The following SPIRE2 variants were observed in gnomAD, a reference collection of about 807,000 sequenced individuals.
SPIRE2 encodes spire type actin nucleation factor 2, also known as protein spire homolog 2.
Under a neutral mutation model 80.7 loss-of-function variants are expected in SPIRE2, and 76 were observed. The observed-to-expected ratio is 0.94, with a 90% CI of 0.78 to 1.14. The LOEUF (loss-of-function observed/expected upper bound fraction) is 1.14, where lower values mean the gene tolerates loss of function less well. Among genes scored for constraint, SPIRE2 ranks in the 50% most tolerant of loss-of-function variants. The pLI, the probability that SPIRE2 is intolerant of heterozygous loss-of-function variation, is 0.00. For missense variants in SPIRE2, 1,196 were observed against 1,015.3 expected (o/e 1.18, Z -2.42); for synonymous variants, 535 against 432.6 (o/e 1.24, Z -2.94).
In SPIRE2 at chr16:89,831,145, G is replaced by A. The variant is rs2041376910; in HGVS notation, c.244+2351G>A. On this transcript the variant is annotated intron_variant, in intron 1 of 14. Coordinates refer to ENST00000378247, the MANE Select transcript of SPIRE2 (RefSeq NM_032451.2). Reference sequence around the variant, plus strand: ...AGGATGGTCTCGATCTCCTGACCTCGTGATCTGCCCACCTCGGCCTTCCAA... The same window carrying A: ...AGGATGGTCTCGATCTCCTGACCTCATGATCTGCCCACCTCGGCCTTCCAA... Among the ~76,000 whole-genome samples the A allele has an allele frequency of 7.3e-5, 11 of 150,416 alleles. No homozygotes were observed. The South Asian group carries it at 1.9e-3, about 26-fold the overall frequency.
At chr16:89,835,036 C>T (rs112974282) in intron 1 of SPIRE2, among the ~76,000 whole-genome samples, 36 of 131,406 alleles carry the variant, frequency 2.7e-4, no homozygotes, top group East Asian at 7.0e-4. Flanking sequence ...GTCGTAGAAG[C>T]GTGGATAAGC....
intron 12 of SPIRE2, among the ~76,000 whole-genome samples, chr16:89,867,406 G>A (rs2041798906): frequency 6.6e-6 from 1 of 152,090 alleles, no homozygotes; most frequent in Non-Finnish European, 1.5e-5. Context: ...GCCTCCCAAA[G>A]TGCTGGGATT....
chr16:89,855,943 C>A (rs1002530791), intron 6 of SPIRE2, 170 bp from the exon 7 acceptor site: 3 of 1,248,572 alleles, frequency 2.4e-6, no homozygotes, highest in South Asian at 1.5e-5. Flanking sequence ...GAGCCCAGAG[C>A]CCCCTGGGAG....
At position 89,828,500 on chromosome 16, in the gene SPIRE2, G is replaced by A. The variant is rs1037011970; in HGVS notation, c.-51G>A. 1.7e-5 allele frequency: 17 copies of A among 1,002,070 alleles called. No individual in the cohort carries two copies. In the African/African-American group the frequency reaches 2.8e-4, roughly 17 times the overall value. The allele number at this position is 1,002,070 out of a possible 1,614,324, so 62.1% of individuals were successfully genotyped here. A position where few individuals can be genotyped will look rare whatever the true frequency, so the allele number is the denominator to read the frequency against. The stretch of plus-strand genomic sequence containing the variant: ...AGGCTGACCCTGCGCGGCGGAAGGC[G>A]CGGCTGCATGGACGCGGGTCCGGCG... On this transcript the variant is annotated 5_prime_UTR_variant, in exon 1 of 15. Coordinates refer to ENST00000378247, the MANE Select transcript of SPIRE2 (RefSeq NM_032451.2). The surrounding 1 kb of genome is among the most constrained non-coding windows in gnomAD (Gnocchi z 5.9).
intron 13 of SPIRE2, among the ~76,000 whole-genome samples, chr16:89,869,053 A>AAAAAAAAAAAATATATATATAT: frequency 4.2e-5 from 1 of 24,030 alleles, no homozygotes; most frequent in Non-Finnish European, 7.5e-5. Flanking sequence ...AAAAAAAAAA[A>AAAAAAAAAAAATATATATATAT]ATATATATAT....
In SPIRE2 at chr16:89,870,369, T is replaced by TA; in HGVS notation, c.*98dup. Reference sequence around the variant, plus strand: ...GCATGTACATATATACATATATAGATACATTTATAATATATACACACAGTC... The same window carrying TA: ...GCATGTACATATATACATATATAGATAACATTTATAATATATACACACAGTC... On this transcript the variant is annotated 3_prime_UTR_variant, in exon 15 of 15. Coordinates refer to ENST00000378247, the MANE Select transcript of SPIRE2 (RefSeq NM_032451.2). The TA allele has an allele frequency of 5.9e-6, 4 of 673,738 alleles. No individual in the cohort carries two copies. In the Middle Eastern group the frequency reaches 1.2e-3, roughly 204 times the overall value. The allele number at this position is 673,738 out of a possible 1,614,324, so 41.7% of individuals were successfully genotyped here.
Position 89,848,572 on chromosome 16 carries a change from G to A in SPIRE2, c.289-1732G>A, listed in dbSNP as rs901944542. Among the ~76,000 whole-genome samples the A allele has an allele frequency of 4.1e-5, 6 of 146,100 alleles. No individual in the cohort carries two copies. The South Asian group carries it at 6.4e-4, about 16-fold the overall frequency. On this transcript the variant is annotated intron_variant, in intron 2 of 14. Coordinates refer to ENST00000378247, the MANE Select transcript of SPIRE2 (RefSeq NM_032451.2). Reference sequence around the variant, plus strand: ...GAGGCAGGTTCCAGGGCCTTCTACAGTATTTCTGCAGGACAGACGAGGCAG... The same window carrying A: ...GAGGCAGGTTCCAGGGCCTTCTACAATATTTCTGCAGGACAGACGAGGCAG...
At chr16:89,838,130 A>T (rs1209040823) in intron 1 of SPIRE2, among the ~76,000 whole-genome samples, 1 of 148,686 alleles carries the variant, frequency 6.7e-6, no homozygotes, top group East Asian at 1.9e-4. Context: ...CTCCAGAGTA[A>T]CTGGGACCAC....
intron 13 of SPIRE2, among the ~76,000 whole-genome samples, chr16:89,869,045 A>ACATATATATATATATGTATATATATAT (rs1185522189): frequency 2.7e-5 from 1 of 37,202 alleles, no homozygotes; most frequent in African/African-American, 1.7e-4. Flanking sequence ...AAAAAAAAAA[A>ACATATATATATATATGTATATATATAT]AAAAAAAAAT....
intron 1 of SPIRE2, among the ~76,000 whole-genome samples, chr16:89,830,174 A>AACCAAC (rs1198028512): frequency 6.6e-6 from 1 of 151,168 alleles, no homozygotes; most frequent in Non-Finnish European, 1.5e-5. Flanking sequence ...GGTGCTGTGC[A>AACCAAC]AGGCGTCCTC....
rs1339364101 is a variant in SPIRE2 at position 89,834,959 on chromosome 16, C to T, written c.244+6165C>T. 8.1e-5 allele frequency among the ~76,000 whole-genome samples: 12 copies of T among 148,114 alleles called. No individual in the cohort carries two copies. In the East Asian group the frequency reaches 2.1e-3, roughly 25 times the overall value. On this transcript the variant is annotated intron_variant, in intron 1 of 14. Coordinates refer to ENST00000378247, the MANE Select transcript of SPIRE2 (RefSeq NM_032451.2). ...GAACCTGCCCGCACTCGCGGCTGGC[C>T]GTCGTAGAAGGCCCCATAAGCATAG...
intron 5 of SPIRE2, 131 bp downstream of exon 5, chr16:89,854,782 G>T (rs1567675618): frequency 5.4e-6 from 5 of 919,474 alleles, no homozygotes; most frequent in Non-Finnish European, 8.1e-6. Context: ...TCTCTGTGCT[G>T]GGTACTGGGT....
At chr16:89,869,053 A>AATATATATATATATATAT (rs1555601129) in intron 13 of SPIRE2, among the ~76,000 whole-genome samples, 2 of 24,028 alleles carry the variant, frequency 8.3e-5, no homozygotes, top group East Asian at 3.1e-3. Context: ...AAAAAAAAAA[A>AATATATATATATATATAT]ATATATATAT....
chr16:89,834,616 A>C (rs1216052873), intron 1 of SPIRE2, among the ~76,000 whole-genome samples: 1 of 95,024 alleles, frequency 1.1e-5, no homozygotes, highest in East Asian at 3.2e-4. Flanking sequence ...ACCTGCCCGC[A>C]CTCGCGGTTG....
At position 89,870,115 on chromosome 16, in the gene SPIRE2, G is replaced by A; in HGVS notation, c.1988G>A (p.Cys663Tyr). 6.2e-7 allele frequency: 1 copy of A among 1,613,580 alleles called. No individual in the cohort carries two copies. The highest frequency in any genetic ancestry group is 8.5e-7 in the Non-Finnish European group (1 of 1,179,852). ...EAFPHIYSHG[C>Y]VLKDVCSECT... The stretch of plus-strand genomic sequence containing the variant: ...TTCCCCCACATCTACTCCCACGGCT[G>A]TGTCCTGAAGGATGTCTGCAGTGAG... The change falls in exon 15 of 15, where the codon TGT (cysteine) becomes TAT (tyrosine). Residue 663 changes from cysteine (C) to tyrosine (Y), a missense_variant. By Grantham distance (194) the Cys-to-Tyr change is radical. Transcript: ENST00000378247.
rs201585122 is a variant in SPIRE2, at chr16:89,859,566, T to C, written c.1462+212T>C. ...AAGTAATGCATATTTATTATAAAAA[T>C]ATTTTTTAATATTTAAAAAGAATTC... is the stretch of plus-strand genomic sequence containing the variant. On this transcript the variant is annotated intron_variant, in intron 9 of 14. Transcript: ENST00000378247. Among the ~76,000 whole-genome samples, 49 of 152,302 alleles carry C rather than the reference T, an allele frequency of 3.2e-4. No homozygotes were observed. The East Asian group carries it at 9.1e-3, about 28-fold the overall frequency.
Position 89,850,400 on chromosome 16 carries a change from A to G in SPIRE2, c.385A>G (p.Ile129Val). 6.3e-7 allele frequency: 1 copy of G among 1,596,280 alleles called. No individual in the cohort carries two copies. Among genetic ancestry groups the G allele is most frequent in the Non-Finnish European group, 8.5e-7 (1 of 1,172,994 alleles). ...RELSPQLERLIDLMANNDSED... is the reference protein window; with the variant it reads ...RELSPQLERLVDLMANNDSED... Reference sequence around the variant, plus strand: ...ACTCAGCCCTCAGCTGGAGCGGCTCATCGACCTCATGGCCAACAACGACAG... The same window carrying G: ...ACTCAGCCCTCAGCTGGAGCGGCTCGTCGACCTCATGGCCAACAACGACAG... The change falls in exon 3 of 15, where the codon ATC (isoleucine) becomes GTC (valine). Residue 129 changes from isoleucine (I) to valine (V), a missense_variant. Coordinates refer to ENST00000378247, the MANE Select transcript of SPIRE2 (RefSeq NM_032451.2).
At chr16:89,854,402 C>T (rs747332025) in intron 4 of SPIRE2, 36 bp downstream of exon 4, 15 of 1,610,224 alleles carry the variant, frequency 9.3e-6, no homozygotes, top group South Asian at 4.4e-5. Context: ...GCCACTGACG[C>T]GGCCCAGCCT....
Position 89,828,627 on chromosome 16 carries a change from A to T in SPIRE2, c.77A>T (p.Glu26Val). 7.5e-7 allele frequency: 1 copy of T among 1,336,580 alleles called. No homozygotes were observed. Among genetic ancestry groups the T allele is most frequent in the South Asian group, 1.7e-5 (1 of 59,752 alleles). The allele number at this position is 1,336,580 out of a possible 1,614,324, so 82.8% of individuals were successfully genotyped here. A position where few individuals can be genotyped will look rare whatever the true frequency, so the allele number is the denominator to read the frequency against. Residue 26 changes from glutamate (E) to valine (V), a missense_variant, in exon 1 of 15, where the codon GAG becomes GTG. Coordinates refer to ENST00000378247, the MANE Select transcript of SPIRE2 (RefSeq NM_032451.2). This position sits in a 1 kb window ranked among gnomAD's most constrained non-coding sequence, Gnocchi z 5.9. ...GAGCCCTGGGAGCTGTCCCTGGAGGAGGTGCTGAAGGCCTACGAGCAGCCG... is the reference window on the plus strand; with the variant it reads ...GAGCCCTGGGAGCTGTCCCTGGAGGTGGTGCTGAAGGCCTACGAGCAGCCG... ...RPEPWELSLE[E>V]VLKAYEQPLN...
Sources: allele counts gnomAD v4.1 joint callset (sites outside exome capture counted in the v4.1 genomes callset), GRCh38; gene constraint gnomAD v4.1.1; non-coding constraint Gnocchi (gnomAD v3.1); transcripts MANE v1.5; gene names NCBI Gene and HGNC (gene_info 2026-07-23, HGNC 2026-07-21).